The following PRKCE variants were observed in gnomAD, a reference collection of about 807,000 sequenced individuals.
PRKCE encodes protein kinase C epsilon.
A neutral mutation model predicts 85.4 loss-of-function variants in PRKCE; 16 were observed. The ratio of observed to expected loss-of-function variants is 0.19; its 90% CI spans 0.13 to 0.28. PRKCE has a LOEUF of 0.28. Among genes scored for constraint, PRKCE ranks in the 10% least tolerant of loss-of-function variants. The pLI is 1.00. For synonymous variants in PRKCE, 388 were observed against 371.5 expected, an observed-to-expected ratio of 1.04 and a Z score of -0.51; for missense variants, 573 against 975.2, an observed-to-expected ratio of 0.59 and a Z score of 5.49.
chr2:45,697,277 G>A lies in PRKCE; in HGVS notation c.348+44829G>A, dbSNP rs1678232532. Among the ~76,000 whole-genome samples the A allele has an allele frequency of 6.6e-6, 1 of 152,130 alleles. No individual in the cohort carries two copies. Among genetic ancestry groups the A allele is most frequent in the Non-Finnish European group, 1.5e-5 (1 of 68,026 alleles). On this transcript the variant is annotated intron_variant, in intron 1 of 14. Coordinates refer to ENST00000306156, the MANE Select transcript of PRKCE (RefSeq NM_005400.3). This position sits in a 1 kb window ranked among gnomAD's most constrained non-coding sequence, Gnocchi z 4.2. ...ACTGGCTGGCCTGGCCCTCCTGGCT[G>A]CCCACATTCTGCTTGGCTCTGGTCC...
chr2:46,152,191 T>C (rs1676705697), intron 13 of PRKCE, among the ~76,000 whole-genome samples: 1 of 152,204 alleles, frequency 6.6e-6, no homozygotes, highest in Non-Finnish European at 1.5e-5. Context: ...GAAATTTTTT[T>C]TTTTTTTTTA....
intron 2 of PRKCE, among the ~76,000 whole-genome samples, chr2:45,885,138 A>T (rs941534394): frequency 4.6e-5 from 7 of 151,898 alleles, no homozygotes; most frequent in Admixed American, 2.6e-4. Context: ...GATTTAAAAC[A>T]AATGTTGAAA....
chr2:46,089,024 A>G (rs748949102), intron 11 of PRKCE, among the ~76,000 whole-genome samples: 8 of 152,144 alleles, frequency 5.3e-5, no homozygotes, highest in Admixed American at 1.3e-4. Flanking sequence ...CTGCTTCCCT[A>G]AATGAATGCC....
At chr2:46,080,540 A>G (rs1344054344) in intron 10 of PRKCE, among the ~76,000 whole-genome samples, 1 of 152,206 alleles carries the variant, frequency 6.6e-6, no homozygotes, top group African/African-American at 2.4e-5. Context: ...TCAAGAACTC[A>G]GGCATTTGAC....
intron 10 of PRKCE, among the ~76,000 whole-genome samples, chr2:46,021,580 C>G (rs1022750480): frequency 2.0e-5 from 3 of 151,996 alleles, no homozygotes; most frequent in African/African-American, 7.3e-5. Flanking sequence ...AGCCCCTTAC[C>G]GATTAGAAAC....
chr2:46,052,407 A>G (rs1708912120), intron 10 of PRKCE, among the ~76,000 whole-genome samples: 1 of 152,276 alleles, frequency 6.6e-6, no homozygotes, highest in Non-Finnish European at 1.5e-5. Context: ...AAGACATCAA[A>G]AAGACTTAAT....
chr2:46,113,609 GA>G (rs1250530776), intron 11 of PRKCE, among the ~76,000 whole-genome samples: 1 of 152,224 alleles, frequency 6.6e-6, no homozygotes, highest in African/African-American at 2.4e-5. Flanking sequence ...CGTTAGCAGG[GA>G]GAATGTCTTG....
At chr2:46,028,554 C>T (rs1346120662) in intron 10 of PRKCE, among the ~76,000 whole-genome samples, 1 of 152,212 alleles carries the variant, frequency 6.6e-6, no homozygotes, top group Admixed American at 6.5e-5. Flanking sequence ...CTGCCCTCCC[C>T]ACCTGCCACC....
At chr2:45,675,482 T>A (rs983225116) in intron 1 of PRKCE, 11 of 152,220 alleles carry the variant, frequency 7.2e-5, no homozygotes, top group Non-Finnish European at 1.2e-4. Context: ...TTGGAGTGAA[T>A]TCTAAATGAA....
chr2:45,969,380 C>G (rs1007400457), intron 2 of PRKCE, among the ~76,000 whole-genome samples: 1 of 152,320 alleles, frequency 6.6e-6, no homozygotes, highest in Non-Finnish European at 1.5e-5. Flanking sequence ...GGGAGGTCAG[C>G]CAACCTTGAT....
intron 10 of PRKCE, among the ~76,000 whole-genome samples, chr2:46,040,236 T>A (rs528300435): frequency 2.0e-4 from 31 of 152,200 alleles, no homozygotes; most frequent in African/African-American, 7.2e-4. Context: ...ATGAGTAGGA[T>A]TTTAGCTGGT....
intron 2 of PRKCE, among the ~76,000 whole-genome samples, chr2:45,889,342 C>G (rs536853555): frequency 5.3e-5 from 8 of 152,196 alleles, no homozygotes; most frequent in African/African-American, 1.7e-4. Flanking sequence ...GAGAACTGCA[C>G]CAGGCATAAA....
At position 46,151,280 on chromosome 2, in the gene PRKCE, TACACACACACACACACAC is replaced by T. The variant is rs35676949; in HGVS notation, c.1920+78_1920+95del. On this transcript the variant is annotated intron_variant, in intron 13 of 14. Transcript: ENST00000306156. ...CTGTGCTCTCCTGGGCTCCTCCCCC[TACACACACACACACACAC>T]ACACACACACACACACACACACACA... The T allele has an allele frequency of 4.8e-4, 270 of 559,150 alleles. 2 individuals are homozygous for T. The highest frequency in any genetic ancestry group is 3.4e-3 in the African/African-American group (149 of 44,128). The allele number at this position is 559,150 out of a possible 1,614,324, so 34.6% of individuals were successfully genotyped here. A position where few individuals can be genotyped will look rare whatever the true frequency, so the allele number is the denominator to read the frequency against.
intron 1 of PRKCE, among the ~76,000 whole-genome samples, chr2:45,730,918 A>G (rs1321167275): frequency 1.3e-5 from 2 of 152,244 alleles, no homozygotes; most frequent in Admixed American, 1.3e-4. Flanking sequence ...TTTTAAAAAT[A>G]CATTTTTACC....
intron 2 of PRKCE, among the ~76,000 whole-genome samples, chr2:45,910,504 A>G (rs1016289262): frequency 6.6e-6 from 1 of 152,210 alleles, no homozygotes; most frequent in African/African-American, 2.4e-5. Context: ...ACATGGGAGT[A>G]GGCTAGGGTT....
chr2:45,761,132 C>T (rs1684445493), intron 1 of PRKCE, among the ~76,000 whole-genome samples: 1 of 152,036 alleles, frequency 6.6e-6, no homozygotes, highest in African/African-American at 2.4e-5. Context: ...TTGAGACCAT[C>T]TTGGCTAACA....
chr2:45,801,222 G>A (rs926000073), intron 1 of PRKCE, among the ~76,000 whole-genome samples: 7 of 152,186 alleles, frequency 4.6e-5, no homozygotes, highest in African/African-American at 1.7e-4. Context: ...ATCTCATGGG[G>A]TACCATAGAA....
At chr2:45,799,786 T>G (rs1573404171) in intron 1 of PRKCE, among the ~76,000 whole-genome samples, 1 of 152,302 alleles carries the variant, frequency 6.6e-6, no homozygotes, top group East Asian at 1.9e-4. Context: ...AAGATTCCAT[T>G]TCTTCTTGCT....
chr2:45,958,151 T>C (rs1701097303), intron 2 of PRKCE, among the ~76,000 whole-genome samples: 1 of 137,006 alleles, frequency 7.3e-6, no homozygotes, highest in African/African-American at 2.8e-5. Context: ...AAGAAAATGG[T>C]GATGGAGTTA....
Sources: gnomAD v4.1 joint callset for allele counts (sites outside exome capture counted in the v4.1 genomes callset) on GRCh38, gnomAD v4.1.1 for gene constraint, Gnocchi (gnomAD v3.1) non-coding constraint, MANE v1.5 for transcripts, NCBI Gene and HGNC (gene_info 2026-07-23, HGNC 2026-07-21) for gene names.